Variants in SNTB1 observed in about 807,000 individuals in gnomAD.
The protein encoded by SNTB1 is beta-1-syntrophin.
SNTB1 carries 36 observed loss-of-function variants against 48.9 expected under a neutral mutation model. That is an observed-to-expected ratio of 0.74 (90% confidence interval 0.56 to 0.97). The LOEUF is 0.97. Ranked by LOEUF, SNTB1 falls within the 50% of genes least tolerant of loss-of-function variation. SNTB1 has a pLI of 0.00. For missense variants in SNTB1, 786 were observed against 703.4 expected (o/e 1.12, Z -1.33); for synonymous variants, 299 against 294.6 (o/e 1.01, Z -0.15).
At chr8:120,574,064 A>T (rs907219557) in intron 4 of SNTB1, among the ~76,000 whole-genome samples, 1 of 152,246 alleles carries the variant, frequency 6.6e-6, no homozygotes, top group Non-Finnish European at 1.5e-5. Flanking sequence ...CCCATATTTG[A>T]CAACATGAAT....
intron 2 of SNTB1, among the ~76,000 whole-genome samples, chr8:120,679,296 G>A (rs1397030131): frequency 6.6e-6 from 1 of 152,148 alleles, no homozygotes; most frequent in East Asian, 1.9e-4. Context: ...ACATGCTGCT[G>A]TCCTTAACAA....
intron 1 of SNTB1, among the ~76,000 whole-genome samples, chr8:120,717,354 C>G (rs1818577110): frequency 6.6e-6 from 1 of 152,258 alleles, no homozygotes; most frequent in East Asian, 1.9e-4. Context: ...TCTTCTCCCA[C>G]TGCACGAGTC....
intron 2 of SNTB1, among the ~76,000 whole-genome samples, chr8:120,665,407 G>A (rs919548868): frequency 3.2e-4 from 48 of 151,990 alleles, no homozygotes; most frequent in South Asian, 2.1e-4. Flanking sequence ...AGCTGAGATC[G>A]TGCCACTCCA....
intron 1 of SNTB1, among the ~76,000 whole-genome samples, chr8:120,707,692 A>C (rs1214121650): frequency 6.6e-6 from 1 of 152,192 alleles, no homozygotes; most frequent in Non-Finnish European, 1.5e-5. Flanking sequence ...CATAGAGTTT[A>C]AATATCTTAC....
chr8:120,627,497 T>A (rs1816902879), intron 3 of SNTB1, among the ~76,000 whole-genome samples: 1 of 151,668 alleles, frequency 6.6e-6, no homozygotes, highest in Non-Finnish European at 1.5e-5. Context: ...ACCAGAGAGG[T>A]TCAGCTGATT....
At chr8:120,796,548 T>G (rs1257226922) in intron 1 of SNTB1, among the ~76,000 whole-genome samples, 1 of 151,992 alleles carries the variant, frequency 6.6e-6, no homozygotes, top group Non-Finnish European at 1.5e-5. Context: ...AAAGCACATT[T>G]GAAGTGGGAG....
At chr8:120,713,799 G>A (rs1267718060) in intron 1 of SNTB1, among the ~76,000 whole-genome samples, 1 of 152,166 alleles carries the variant, frequency 6.6e-6, no homozygotes, top group Non-Finnish European at 1.5e-5. Context: ...TTCACACTGT[G>A]TAACATGTTT....
chr8:120,631,298 T>C (rs1816974711), intron 3 of SNTB1, among the ~76,000 whole-genome samples: 1 of 152,176 alleles, frequency 6.6e-6, no homozygotes, highest in Non-Finnish European at 1.5e-5. Flanking sequence ...TATTATGAAT[T>C]TGGATGCTCC....
chr8:120,773,426 A>C (rs1417809291), intron 1 of SNTB1, among the ~76,000 whole-genome samples: 2 of 152,226 alleles, frequency 1.3e-5, no homozygotes, highest in East Asian at 3.9e-4. Context: ...AGTACCCTGG[A>C]AGAATTCCAG....
At chr8:120,620,053 T>G (rs1375066768) in intron 3 of SNTB1, among the ~76,000 whole-genome samples, 1 of 152,180 alleles carries the variant, frequency 6.6e-6, no homozygotes, top group Non-Finnish European at 1.5e-5. Context: ...GTACAACTCA[T>G]TTTTATTGCA....
intron 1 of SNTB1, among the ~76,000 whole-genome samples, chr8:120,775,745 AGG>A: frequency 6.6e-6 from 1 of 150,828 alleles, no homozygotes. Flanking sequence ...GAAGGAAGGA[AGG>A]AAGGAAGGAA....
intron 1 of SNTB1, among the ~76,000 whole-genome samples, chr8:120,788,640 CAAA>C (rs1819966811): frequency 6.6e-6 from 1 of 151,768 alleles, no homozygotes; most frequent in Non-Finnish European, 1.5e-5. Flanking sequence ...AAGGAAAAGA[CAAA>C]GAAGGTCATT....
At chr8:120,618,437 C>A (rs1305208160) in intron 3 of SNTB1, among the ~76,000 whole-genome samples, 1 of 152,198 alleles carries the variant, frequency 6.6e-6, no homozygotes, top group Non-Finnish European at 1.5e-5. Context: ...ATCTACCTCC[C>A]CTGCTGAAAG....
rs1463911415 is a variant in SNTB1 at position 120,575,101 on chromosome 8, G to T, written c.1121C>A (p.Pro374His). Reference protein sequence around the residue: ...EAWFSPVHTYPLLATRLVHSG... With the variant: ...EAWFSPVHTYHLLATRLVHSG... ...CCATGGCTACCTGGTGGCAAGAAGA[G>T]GGTATGTGTGAACTGGGCTGAACCA... Residue 374 changes from proline to histidine, a missense_variant, in exon 4 of 7, where the codon CCT becomes CAT. Coordinates refer to ENST00000517992, the MANE Select transcript of SNTB1 (RefSeq NM_021021.4). 6.2e-7 allele frequency: 1 copy of T among 1,614,060 alleles called. No individual in the cohort carries two copies. The highest frequency in any genetic ancestry group is 1.3e-5 in the African/African-American group (1 of 74,934).
chr8:120,688,482 TAATAA>T (rs1818070795), intron 2 of SNTB1, among the ~76,000 whole-genome samples: 2 of 152,150 alleles, frequency 1.3e-5, no homozygotes, highest in Admixed American at 1.3e-4. Flanking sequence ...ATATCTGGGG[TAATAA>T]AATAAAAATA....
At chr8:120,737,771 T>C (rs1414141822) in intron 1 of SNTB1, among the ~76,000 whole-genome samples, 1 of 152,162 alleles carries the variant, frequency 6.6e-6, no homozygotes, top group African/African-American at 2.4e-5. Flanking sequence ...AGAGCTTTTA[T>C]CCACCCCTTT....
At chr8:120,791,185 T>TCA (rs1820025475) in intron 1 of SNTB1, among the ~76,000 whole-genome samples, 1 of 151,558 alleles carries the variant, frequency 6.6e-6, no homozygotes, top group Non-Finnish European at 1.5e-5. Context: ...CAACAAAGCA[T>TCA]ACAAAAACAT....
intron 1 of SNTB1, among the ~76,000 whole-genome samples, chr8:120,762,871 C>G (rs1339062110): frequency 6.6e-6 from 1 of 152,106 alleles, no homozygotes; most frequent in Admixed American, 6.5e-5. Context: ...AACAAAATAA[C>G]TAATATTTAT....
At chr8:120,637,814 G>A (rs1817107385) in intron 2 of SNTB1, 1 of 304,624 alleles carries the variant, frequency 3.3e-6, no homozygotes, top group Non-Finnish European at 6.6e-6. Context: ...ATTTCAAGTT[G>A]CTCTGTCTCT....
Sources: gnomAD v4.1 joint callset for allele counts (sites outside exome capture counted in the v4.1 genomes callset) on GRCh38, gnomAD v4.1.1 for gene constraint, MANE v1.5 for transcripts, NCBI Gene and HGNC (gene_info 2026-07-23, HGNC 2026-07-21) for gene names.